Variants in ANK3 observed in about 807,000 individuals in gnomAD.
ANK3 encodes ankyrin-3.
A neutral mutation model predicts 370.9 loss-of-function variants in ANK3; 57 were observed. The observed-to-expected ratio is 0.15, with a 90% CI of 0.12 to 0.19. The LOEUF (loss-of-function observed/expected upper bound fraction) is 0.19. Ranked by LOEUF, ANK3 falls within the 10% of genes least tolerant of loss-of-function variation. The pLI is 1.00. For synonymous variants in ANK3, 1,929 were observed against 1,946.3 expected (o/e 0.99, Z 0.23); for missense variants, 4,439 against 5,302.1 (o/e 0.84, Z 5.06).
intron 1 of ANK3, among the ~76,000 whole-genome samples, chr10:60,691,279 T>G (rs896771588): frequency 6.6e-6 from 1 of 152,076 alleles, no homozygotes; most frequent in Non-Finnish European, 1.5e-5. Flanking sequence ...AACAAACATG[T>G]ACCCCCGAAT....
chr10:60,166,718 CG>C, intron 22 of ANK3, 65 bp from the exon 23 acceptor site: 1 of 1,585,738 alleles, frequency 6.3e-7, no homozygotes, highest in Non-Finnish European at 8.7e-7. Flanking sequence ...TACAACAAAA[CG>C]TTTCAATATT....
Position 60,032,501 on chromosome 10 carries a change from C to A in ANK3, c.*20-2675G>T, listed in dbSNP as rs2073921350. Among the ~76,000 whole-genome samples the A allele has an allele frequency of 2.0e-5, 3 of 152,166 alleles. No homozygotes were observed. The East Asian group carries it at 5.8e-4, about 29-fold the overall frequency. ...GGGATTATAGACATGAGCCACTGCGCCTGGCCTGGCTTGATAATTTTTAAT... is the reference window on the plus strand; with the variant it reads ...GGGATTATAGACATGAGCCACTGCGACTGGCCTGGCTTGATAATTTTTAAT... On this transcript the variant is annotated intron_variant, in intron 43 of 43. Coordinates refer to ENST00000280772, the MANE Select transcript of ANK3 (RefSeq NM_020987.5).
At chr10:60,365,362 A>G (rs1295392561) in intron 1 of ANK3, among the ~76,000 whole-genome samples, 1 of 152,166 alleles carries the variant, frequency 6.6e-6, no homozygotes, top group African/African-American at 2.4e-5. Flanking sequence ...TCCAAATCTG[A>G]TAACACCTAT....
At chr10:60,610,906 A>G (rs1395064550) in intron 2 of ANK3, among the ~76,000 whole-genome samples, 1 of 152,186 alleles carries the variant, frequency 6.6e-6, no homozygotes, top group African/African-American at 2.4e-5. Context: ...TGTCAGCATG[A>G]GATAAACAGC....
chr10:60,459,488 CAG>C (rs1280731155), intron 2 of ANK3, among the ~76,000 whole-genome samples: 2 of 152,116 alleles, frequency 1.3e-5, no homozygotes, highest in African/African-American at 4.8e-5. Context: ...ATAACGACCT[CAG>C]AGTCTTTACT....
chr10:60,443,242 GA>G (rs2064345074), intron 2 of ANK3, among the ~76,000 whole-genome samples: 3 of 152,068 alleles, frequency 2.0e-5, no homozygotes, highest in African/African-American at 7.2e-5. Flanking sequence ...AGTTTAAGCA[GA>G]AAAACATAAA....
At chr10:60,595,691 G>A (rs971134210) in intron 2 of ANK3, among the ~76,000 whole-genome samples, 4 of 152,164 alleles carry the variant, frequency 2.6e-5, no homozygotes, top group Non-Finnish European at 4.4e-5. Flanking sequence ...CTAGAAGGGG[G>A]TTTATTTTAG....
At chr10:60,556,088 G>A (rs1046736860) in intron 2 of ANK3, among the ~76,000 whole-genome samples, 1 of 152,108 alleles carries the variant, frequency 6.6e-6, no homozygotes, top group South Asian at 2.1e-4. Context: ...ATCGCTCAGG[G>A]GCATCCTCTG....
Position 60,074,288 on chromosome 10 carries a change from G to A in ANK3, c.6593C>T (p.Pro2198Leu). The A allele has an allele frequency of 5.0e-6, 8 of 1,614,098 alleles. No homozygotes were observed. The highest frequency in any genetic ancestry group is 6.8e-6 in the Non-Finnish European group (8 of 1,180,006). ...PEEPVSPKPS[P>L]TFMELEPKPT... The stretch of plus-strand genomic sequence containing the variant: ...CTTTGGTTCCAATTCCATAAAAGTA[G>A]GTGAAGGTTTAGGTGACACAGGCTC... The change falls in exon 37 of 44, where the codon CCT becomes CTT. Residue 2198 changes from proline (P) to leucine (L), a missense_variant. By Grantham distance (98) the Pro-to-Leu change is moderately conservative (BLOSUM62 -3). Transcript: ENST00000280772.
At chr10:60,709,655 T>C (rs2079673772) in intron 1 of ANK3, among the ~76,000 whole-genome samples, 3 of 151,860 alleles carry the variant, frequency 2.0e-5, no homozygotes, top group Non-Finnish European at 2.9e-5. Flanking sequence ...CGAAACCCTG[T>C]CTCTACGAAA....
chr10:60,724,581 T>G (rs2079914981), intron 1 of ANK3, among the ~76,000 whole-genome samples: 1 of 152,220 alleles, frequency 6.6e-6, no homozygotes, highest in African/African-American at 2.4e-5. Flanking sequence ...ATATTTAGCA[T>G]ATTACATTCT....
chr10:60,067,282 T>C (rs1479378249), intron 38 of ANK3, among the ~76,000 whole-genome samples: 1 of 152,236 alleles, frequency 6.6e-6, no homozygotes, highest in Non-Finnish European at 1.5e-5. Flanking sequence ...AAATTTTTAA[T>C]TCAAAATTTA....
chr10:60,142,902 G>A (rs1258641776), intron 23 of ANK3, among the ~76,000 whole-genome samples: 1 of 152,014 alleles, frequency 6.6e-6, no homozygotes, highest in Non-Finnish European at 1.5e-5. Context: ...GTATTGACTG[G>A]GTGACCTTTG....
intron 2 of ANK3, among the ~76,000 whole-genome samples, chr10:60,409,478 A>T (rs994116397): frequency 6.6e-6 from 1 of 152,246 alleles, no homozygotes; most frequent in Non-Finnish European, 1.5e-5. Flanking sequence ...TACATAAAGA[A>T]GTTGGCTGAT....
At chr10:60,419,311 T>G (rs1177779162) in intron 2 of ANK3, among the ~76,000 whole-genome samples, 3 of 152,202 alleles carry the variant, frequency 2.0e-5, no homozygotes, top group African/African-American at 7.2e-5. Context: ...ATCTATTATA[T>G]GAAGAGCAAA....
chr10:60,280,356 C>T (rs954624407), intron 1 of ANK3, among the ~76,000 whole-genome samples: 1 of 152,128 alleles, frequency 6.6e-6, no homozygotes, highest in Non-Finnish European at 1.5e-5. Flanking sequence ...CAACTTAACC[C>T]ATTATATGTT....
chr10:60,491,325 A>G (rs180996332), intron 2 of ANK3, among the ~76,000 whole-genome samples: 37 of 152,360 alleles, frequency 2.4e-4, no homozygotes, highest in African/African-American at 7.7e-4. Flanking sequence ...ATTGTCTTGC[A>G]TAAATCAACT....
chr10:60,527,438 T>C (rs949277286), intron 2 of ANK3, among the ~76,000 whole-genome samples: 1 of 152,030 alleles, frequency 6.6e-6, no homozygotes. Flanking sequence ...GGTTCAGAAA[T>C]ACACACCCAC....
At chr10:60,502,712 G>A (rs2075831854) in intron 2 of ANK3, among the ~76,000 whole-genome samples, 2 of 148,304 alleles carry the variant, frequency 1.3e-5, no homozygotes, top group African/African-American at 5.0e-5. Flanking sequence ...AGGGAAGGAG[G>A]GAAGGAAGGG....
Sources: gnomAD v4.1 joint callset for allele counts (sites outside exome capture counted in the v4.1 genomes callset) on GRCh38, gnomAD v4.1.1 for gene constraint, MANE v1.5 for transcripts, NCBI Gene and HGNC (gene_info 2026-07-23, HGNC 2026-07-21) for gene names.